CSMD1: variants seen among roughly 807,000 people sequenced by gnomAD.
CSMD1 encodes CUB and Sushi multiple domains 1, also known as CUB and sushi domain-containing protein 1.
A neutral mutation model predicts 417.5 loss-of-function variants in CSMD1; 213 were observed. That is an observed-to-expected ratio of 0.51 (90% CI 0.46 to 0.57). The LOEUF is 0.57. CSMD1 is among the 20% of genes least tolerant of loss of function. The pLI, the probability that CSMD1 is intolerant of heterozygous loss-of-function variation, is 0.00. For missense variants in CSMD1, 6,923 were observed against 4,529.7 expected (o/e 1.53, Z -15.17); for synonymous variants, 2,862 against 1,736.8 (o/e 1.65, Z -16.11).
intron 7 of CSMD1, among the ~76,000 whole-genome samples, chr8:3,650,724 T>C (rs1797813719): frequency 6.6e-6 from 1 of 152,192 alleles, no homozygotes; most frequent in Non-Finnish European, 1.5e-5. Context: ...CATCAACGAC[T>C]CAATTCGATG....
intron 1 of CSMD1, among the ~76,000 whole-genome samples, chr8:4,682,268 C>G (rs558889590): frequency 2.6e-4 from 40 of 152,192 alleles, no homozygotes; most frequent in Non-Finnish European, 4.3e-4. Flanking sequence ...GGGGCTAAAG[C>G]AATCCACCTG....
chr8:3,384,819 AATT>A (rs1219883472), intron 18 of CSMD1, among the ~76,000 whole-genome samples: 1 of 124,282 alleles, frequency 8.0e-6, no homozygotes, highest in East Asian at 2.2e-4. Context: ...ATAAATATAT[AATT>A]AAATAAAATA....
intron 11 of CSMD1, among the ~76,000 whole-genome samples, chr8:3,472,263 A>G (rs1817149529): frequency 6.6e-6 from 1 of 152,058 alleles, no homozygotes; most frequent in Admixed American, 6.6e-5. Flanking sequence ...CCTACTCTTT[A>G]TCATAACAAA....
intron 3 of CSMD1, among the ~76,000 whole-genome samples, chr8:4,363,370 G>GT (rs1172561024): frequency 6.6e-6 from 1 of 152,056 alleles, no homozygotes; most frequent in East Asian, 1.9e-4. Context: ...ATGCATGTGC[G>GT]TGCATGCTTT....
At chr8:4,264,979 G>C (rs1024410435) in intron 3 of CSMD1, among the ~76,000 whole-genome samples, 13 of 152,098 alleles carry the variant, frequency 8.5e-5, no homozygotes, top group African/African-American at 3.1e-4. Context: ...AGCTGAATTA[G>C]CAACAATTAA....
intron 5 of CSMD1, among the ~76,000 whole-genome samples, chr8:3,940,500 T>C (rs1222928956): frequency 1.3e-4 from 3 of 22,532 alleles, no homozygotes; most frequent in Admixed American, 1.2e-3. Flanking sequence ...ATTTCCTCTG[T>C]GTGTGTGTGT....
intron 1 of CSMD1, among the ~76,000 whole-genome samples, chr8:4,699,351 A>T (rs1584961265): frequency 6.6e-6 from 1 of 152,002 alleles, no homozygotes; most frequent in Non-Finnish European, 1.5e-5. Context: ...TTGTTTCCAA[A>T]CCTTACTCAT....
intron 5 of CSMD1, among the ~76,000 whole-genome samples, chr8:3,833,597 T>C (rs1802495342): frequency 6.6e-6 from 1 of 152,148 alleles, no homozygotes; most frequent in East Asian, 1.9e-4. Context: ...TTGATGATAC[T>C]TTGAACAATA....
chr8:3,466,905 A>T (rs1196378763), intron 12 of CSMD1, among the ~76,000 whole-genome samples: 4 of 152,118 alleles, frequency 2.6e-5, no homozygotes, highest in Non-Finnish European at 5.9e-5. Context: ...ATAATCTCTT[A>T]ATTTTTTAAA....
intron 3 of CSMD1, among the ~76,000 whole-genome samples, chr8:4,118,110 G>A (rs1802265560): frequency 6.6e-6 from 1 of 152,086 alleles, no homozygotes; most frequent in Non-Finnish European, 1.5e-5. Context: ...TGTGTTTGCA[G>A]GTGTACAGAA....
At chr8:2,995,589 C>T (rs777076978) in intron 54 of CSMD1, among the ~76,000 whole-genome samples, 1 of 152,168 alleles carries the variant, frequency 6.6e-6, no homozygotes, top group African/African-American at 2.4e-5. Context: ...CACACAAAAT[C>T]GTGTTCATAA....
At chr8:3,206,256 T>C (rs1421835964) in intron 30 of CSMD1, among the ~76,000 whole-genome samples, 1 of 89,754 alleles carries the variant, frequency 1.1e-5, no homozygotes, top group African/African-American at 4.3e-5. Flanking sequence ...GGGGGGTATG[T>C]ATGTGTGGGG....
intron 1 of CSMD1, among the ~76,000 whole-genome samples, chr8:4,831,033 G>T (rs11781735): frequency 0.039 from 5,918 of 152,208 alleles, 151 homozygotes; most frequent in African/African-American, 0.046. Flanking sequence ...TGAATAACAG[G>T]ATGATCTACC....
intron 33 of CSMD1, among the ~76,000 whole-genome samples, chr8:3,193,082 G>C (rs770193568): frequency 6.6e-6 from 1 of 152,124 alleles, no homozygotes; most frequent in Non-Finnish European, 1.5e-5. Flanking sequence ...TTATCTAAGA[G>C]GCTTCAGGTA....
intron 7 of CSMD1, among the ~76,000 whole-genome samples, chr8:3,641,573 G>T: frequency 6.6e-6 from 1 of 152,160 alleles, no homozygotes; most frequent in East Asian, 1.9e-4. Flanking sequence ...CATCCTTTCA[G>T]AAATCATGAT....
At chr8:4,176,164 T>A (rs1798029252) in intron 3 of CSMD1, among the ~76,000 whole-genome samples, 3 of 152,004 alleles carry the variant, frequency 2.0e-5, no homozygotes, top group Admixed American at 1.3e-4. Flanking sequence ...AGACTCTATG[T>A]CTTGATCAGA....
chr8:4,908,955 T>C (rs910427723), intron 1 of CSMD1, among the ~76,000 whole-genome samples: 1 of 152,240 alleles, frequency 6.6e-6, no homozygotes, highest in African/African-American at 2.4e-5. Flanking sequence ...GAACGTGTTT[T>C]CCTTGCCTTT....
At chr8:4,461,726 A>G (rs1283238610) in intron 2 of CSMD1, among the ~76,000 whole-genome samples, 1 of 136,132 alleles carries the variant, frequency 7.3e-6, no homozygotes, top group Non-Finnish European at 1.5e-5. Flanking sequence ...CATCTTATTT[A>G]TTATTTATTT....
At chr8:4,084,167 A>C (rs946963609) in intron 3 of CSMD1, among the ~76,000 whole-genome samples, 1 of 152,094 alleles carries the variant, frequency 6.6e-6, no homozygotes, top group South Asian at 2.1e-4. Flanking sequence ...GAATAATTAA[A>C]AGAGAAAGAA....
Sources: allele counts gnomAD v4.1 joint callset (sites outside exome capture counted in the v4.1 genomes callset), GRCh38; gene constraint gnomAD v4.1.1; transcripts MANE v1.5; gene names NCBI Gene and HGNC (gene_info 2026-07-23, HGNC 2026-07-21).